EYS: variants seen among roughly 807,000 people sequenced by gnomAD.
EYS encodes protein eyes shut homolog.
Under a neutral mutation model 282.1 loss-of-function variants are expected in EYS, and 250 were observed. That is an observed-to-expected ratio of 0.89 (90% CI 0.80 to 0.98). The LOEUF (loss-of-function observed/expected upper bound fraction) is 0.98, where lower values mean the gene tolerates loss of function less well. EYS is among the 50% of genes least tolerant of loss of function. The probability of loss-of-function intolerance (pLI) is 0.00; values close to 1 mark genes in which losing one functional copy is unlikely to be tolerated. For synonymous variants in EYS, 1,355 were observed against 1,282.9 expected (o/e 1.06, Z -1.20); for missense variants, 4,016 against 3,709.0 (o/e 1.08, Z -2.15).
intron 22 of EYS, among the ~76,000 whole-genome samples, chr6:64,676,653 C>T (rs145291292): frequency 4.4e-3 from 666 of 152,158 alleles, no homozygotes; most frequent in Non-Finnish European, 7.8e-3. Context: ...ACACCATAGA[C>T]TGGTAGCTTA....
At chr6:64,830,956 G>A (rs1343838186) in intron 19 of EYS, among the ~76,000 whole-genome samples, 2 of 151,966 alleles carry the variant, frequency 1.3e-5, no homozygotes, top group Non-Finnish European at 2.9e-5. Context: ...CCCCTCTGCT[G>A]TGCAATGAGT....
chr6:64,147,191 C>T (rs1011917842), intron 31 of EYS, among the ~76,000 whole-genome samples: 5 of 151,986 alleles, frequency 3.3e-5, no homozygotes, highest in African/African-American at 1.2e-4. Context: ...TTAGTATCTG[C>T]CGTTGGGAGA....
intron 26 of EYS, among the ~76,000 whole-genome samples, chr6:64,521,959 A>G (rs1777753736): frequency 6.6e-6 from 1 of 151,800 alleles, no homozygotes; most frequent in African/African-American, 2.4e-5. Context: ...AATGAGAAAC[A>G]GTCAAGTGTT....
At chr6:64,358,323 C>A (rs562375023) in intron 29 of EYS, among the ~76,000 whole-genome samples, 1 of 151,588 alleles carries the variant, frequency 6.6e-6, no homozygotes, top group Non-Finnish European at 1.5e-5. Flanking sequence ...GTATGTTAAA[C>A]CTGCTTCAAA....
At chr6:64,251,311 T>G (rs1374641971) in intron 30 of EYS, among the ~76,000 whole-genome samples, 1 of 152,162 alleles carries the variant, frequency 6.6e-6, no homozygotes, top group Non-Finnish European at 1.5e-5. Context: ...GTACTGAACA[T>G]CATATTTCAG....
At chr6:64,479,909 T>A (rs1451489156) in intron 26 of EYS, among the ~76,000 whole-genome samples, 1 of 151,872 alleles carries the variant, frequency 6.6e-6, no homozygotes, top group Non-Finnish European at 1.5e-5. Flanking sequence ...CTGAAAATAT[T>A]GGAGCAACAA....
chr6:65,493,278 C>A (rs1766116126), intron 4 of EYS, among the ~76,000 whole-genome samples: 1 of 152,108 alleles, frequency 6.6e-6, no homozygotes, highest in Admixed American at 6.5e-5. Context: ...GCCTCAGGCA[C>A]AGGGGAGAAG....
At chr6:65,092,978 C>CTAG (rs1325128464) in intron 12 of EYS, among the ~76,000 whole-genome samples, 3 of 152,020 alleles carry the variant, frequency 2.0e-5, no homozygotes, top group Non-Finnish European at 4.4e-5. Flanking sequence ...TTTACAAACC[C>CTAG]CCTAATACAT....
chr6:64,710,435 G>T (rs776635881), intron 22 of EYS, among the ~76,000 whole-genome samples: 2 of 152,136 alleles, frequency 1.3e-5, no homozygotes, highest in Non-Finnish European at 2.9e-5. Context: ...CATTAGCCAC[G>T]GACCAAATCC....
intron 22 of EYS, among the ~76,000 whole-genome samples, chr6:64,773,291 T>A (rs1773579175): frequency 6.6e-6 from 1 of 151,966 alleles, no homozygotes; most frequent in South Asian, 2.1e-4. Flanking sequence ...TCCATCCATG[T>A]TGCTGCAAAG....
At chr6:64,160,252 T>TA in intron 31 of EYS, among the ~76,000 whole-genome samples, 1 of 152,332 alleles carries the variant, frequency 6.6e-6, no homozygotes, top group Non-Finnish European at 1.5e-5. Context: ...CTAAAATTCA[T>TA]AAGCACATTT....
At chr6:63,958,572 A>G (rs1449090620) in intron 35 of EYS, among the ~76,000 whole-genome samples, 1 of 152,248 alleles carries the variant, frequency 6.6e-6, no homozygotes, top group Admixed American at 6.5e-5. Flanking sequence ...AAGTGGCTAC[A>G]CTAAACAACA....
intron 11 of EYS, among the ~76,000 whole-genome samples, chr6:65,314,983 T>C (rs549202915): frequency 2.6e-4 from 39 of 152,216 alleles, no homozygotes; most frequent in African/African-American, 8.9e-4. Context: ...CAATGCTTGA[T>C]AGTTATGGAA....
chr6:65,261,663 G>T (rs927844031), intron 12 of EYS, among the ~76,000 whole-genome samples: 1 of 151,962 alleles, frequency 6.6e-6, no homozygotes, highest in African/African-American at 2.4e-5. Flanking sequence ...AAATTTTAAG[G>T]TCATGGCTTG....
intron 2 of EYS, among the ~76,000 whole-genome samples, chr6:65,537,373 T>A (rs1224413605): frequency 6.6e-6 from 1 of 152,094 alleles, no homozygotes; most frequent in African/African-American, 2.4e-5. Flanking sequence ...ATGTGGAATA[T>A]CATACCCTTC....
chr6:64,113,975 C>A (rs1017582100), intron 31 of EYS, among the ~76,000 whole-genome samples: 2 of 152,182 alleles, frequency 1.3e-5, no homozygotes, highest in Non-Finnish European at 2.9e-5. Flanking sequence ...TCACAGTACA[C>A]TGGCAGAATT....
intron 2 of EYS, among the ~76,000 whole-genome samples, chr6:65,527,575 A>G (rs1767616217): frequency 6.6e-6 from 1 of 152,232 alleles, no homozygotes; most frequent in African/African-American, 2.4e-5. Flanking sequence ...TCATGGTGGC[A>G]CAAAAGGTTA....
chr6:63,778,334 G>GA, intron 39 of EYS, 154 bp from the exon 40 acceptor site: 1 of 790,372 alleles, frequency 1.3e-6, no homozygotes, highest in Non-Finnish European at 2.0e-6. Flanking sequence ...AATGCGCAGA[G>GA]AAATTTTTTT....
chr6:65,258,721 T>C (rs1298142789), intron 12 of EYS, among the ~76,000 whole-genome samples: 1 of 152,066 alleles, frequency 6.6e-6, no homozygotes, highest in Admixed American at 6.6e-5. Flanking sequence ...CAAACAGGTA[T>C]GCCACTGCAG....
Sources: allele counts gnomAD v4.1 joint callset (sites outside exome capture counted in the v4.1 genomes callset), GRCh38; gene constraint gnomAD v4.1.1; transcripts MANE v1.5; gene names NCBI Gene and HGNC (gene_info 2026-07-23, HGNC 2026-07-21).